FBXO15: variants seen among roughly 807,000 people sequenced by gnomAD.
The protein encoded by FBXO15 is F-box protein 15, also known as F-box only protein 15.
Under a neutral mutation model 49.5 loss-of-function variants are expected in FBXO15, and 30 were observed. The ratio of observed to expected loss-of-function variants is 0.61; its 90% CI spans 0.45 to 0.82. The LOEUF is 0.82. FBXO15 is among the 40% of genes least tolerant of loss of function. The pLI is 0.00. For missense variants in FBXO15, 591 were observed against 631.5 expected (o/e 0.94, Z 0.69); for synonymous variants, 250 against 232.7 (o/e 1.07, Z -0.68).
intron 8 of FBXO15, among the ~76,000 whole-genome samples, chr18:74,082,554 A>G (rs527789515): frequency 4.6e-5 from 7 of 152,356 alleles, no homozygotes; most frequent in African/African-American, 1.7e-4. Flanking sequence ...GTCCGTGCAC[A>G]TGCCCACCTA....
At chr18:74,101,447 G>A (rs1322673146) in intron 8 of FBXO15, among the ~76,000 whole-genome samples, 1 of 151,966 alleles carries the variant, frequency 6.6e-6, no homozygotes, top group East Asian at 1.9e-4. Context: ...ACAAAACACT[G>A]CTGAAAGAAA....
intron 6 of FBXO15, 100 bp downstream of exon 6, chr18:74,125,875 A>G: frequency 6.7e-7 from 1 of 1,495,130 alleles, no homozygotes. Context: ...AGTTAGTGAA[A>G]AGCTTAAAGG....
chr18:74,119,545 G>A (rs1460807372), intron 8 of FBXO15, among the ~76,000 whole-genome samples: 1 of 152,166 alleles, frequency 6.6e-6, no homozygotes, highest in Non-Finnish European at 1.5e-5. Context: ...GGGCTTCTAG[G>A]TGTAGCAAAG....
chr18:74,086,073 C>T (rs1912723265), intron 8 of FBXO15, among the ~76,000 whole-genome samples: 1 of 152,070 alleles, frequency 6.6e-6, no homozygotes, highest in African/African-American at 2.4e-5. Flanking sequence ...GTAATTACCA[C>T]TCAGAAAGGA....
At chr18:74,090,322 TAGCA>T (rs370469850) in intron 8 of FBXO15, among the ~76,000 whole-genome samples, 2 of 152,142 alleles carry the variant, frequency 1.3e-5, no homozygotes, top group African/African-American at 2.4e-5. Flanking sequence ...TAACTCTAGC[TAGCA>T]GTCTGTCTTA....
At position 74,130,417 on chromosome 18, in the gene FBXO15, T is replaced by A. The variant is rs759181105; in HGVS notation, c.574A>T (p.Arg192Ter). 4.3e-6 allele frequency: 7 copies of A among 1,613,986 alleles called. No homozygotes were observed. Among genetic ancestry groups the A allele is most frequent in the Non-Finnish European group, 5.9e-6 (7 of 1,179,970 alleles). ...GLPVKTKEALRIFGLGWAIIL... is the reference protein window; with the variant it reads ...GLPVKTKEAL Reference sequence around the variant, plus strand: ...TCTCTTTTGGAACACACTGCGTACCTGAGGGCCTCTTTGGTCTTAACTGGA... The same window carrying A: ...TCTCTTTTGGAACACACTGCGTACCAGAGGGCCTCTTTGGTCTTAACTGGA... Residue 192 changes from arginine (R) to a stop codon, truncating the protein, a stop_gained and splice_region_variant, in exon 4 of 10, where the codon AGA becomes TGA. Coordinates refer to ENST00000419743, the MANE Select transcript of FBXO15 (RefSeq NM_001142958.2). LOFTEE classifies it high-confidence loss of function.
At chr18:74,129,819 T>C (rs1355913032) in intron 4 of FBXO15, among the ~76,000 whole-genome samples, 6 of 152,218 alleles carry the variant, frequency 3.9e-5, no homozygotes, top group Admixed American at 3.3e-4. Context: ...TGAACATCCA[T>C]GATTTTCCAG....
chr18:74,082,658 C>T (rs1291607903), intron 8 of FBXO15, among the ~76,000 whole-genome samples: 1 of 152,222 alleles, frequency 6.6e-6, no homozygotes, highest in African/African-American at 2.4e-5. Context: ...ACACAGCACA[C>T]TAGCCCTGCT....
chr18:74,112,805 C>T (rs1046638267), intron 8 of FBXO15, among the ~76,000 whole-genome samples: 32 of 152,194 alleles, frequency 2.1e-4, no homozygotes, highest in Non-Finnish European at 3.2e-4. Flanking sequence ...ACTGACAACA[C>T]CAAATGCTGG....
chr18:74,123,877 C>A (rs1914581033), intron 7 of FBXO15, among the ~76,000 whole-genome samples: 1 of 152,076 alleles, frequency 6.6e-6, no homozygotes, highest in African/African-American at 2.4e-5. Flanking sequence ...GAATACCGAT[C>A]TGCAGGACAA....
chr18:74,125,634 G>A (rs1489672985), intron 6 of FBXO15, among the ~76,000 whole-genome samples: 1 of 152,218 alleles, frequency 6.6e-6, no homozygotes, highest in Non-Finnish European at 1.5e-5. Context: ...ATGAAAGGAA[G>A]AGAAGAAGGA....
rs780952782 is a variant in FBXO15, at chr18:74,147,735, CT to C, written c.50del (p.Gln17ArgfsTer37). On this transcript the variant is annotated frameshift_variant, in exon 1 of 10. Transcript: ENST00000419743. LOFTEE classifies it high-confidence loss of function. ...RILQQHWLGLQTLRGPSRGGG... is the reference protein window; with the variant it reads ...RILQQHWLGLXTLRGPSRGGG... ...CGCCCCTGCTGGGCCCGCGCAGCGT[CT>C]GGAGGCCGAGCCAGTGCTGCTGCAA... 6.5e-7 allele frequency: 1 copy of C among 1,536,988 alleles called. No individual in the cohort carries two copies. Among genetic ancestry groups the C allele is most frequent in the African/African-American group, 1.4e-5 (1 of 72,104 alleles).
At chr18:74,114,510 A>G (rs1448277999) in intron 8 of FBXO15, among the ~76,000 whole-genome samples, 2 of 152,216 alleles carry the variant, frequency 1.3e-5, no homozygotes, top group African/African-American at 4.8e-5. Flanking sequence ...TTACATTTCC[A>G]AAAGAATAGA....
chr18:74,102,416 T>A (rs1020453182), intron 8 of FBXO15, among the ~76,000 whole-genome samples: 6 of 152,014 alleles, frequency 3.9e-5, no homozygotes, highest in Non-Finnish European at 8.8e-5. Context: ...AATACCTTAC[T>A]CCTGCAAGAA....
At chr18:74,103,867 AT>A (rs1313926022) in intron 8 of FBXO15, among the ~76,000 whole-genome samples, 1 of 152,218 alleles carries the variant, frequency 6.6e-6, no homozygotes, top group Non-Finnish European at 1.5e-5. Context: ...CTTATAAGAA[AT>A]GCTAAAAGGA....
At chr18:74,086,028 A>G (rs934863803) in intron 8 of FBXO15, among the ~76,000 whole-genome samples, 3 of 152,218 alleles carry the variant, frequency 2.0e-5, no homozygotes, top group Non-Finnish European at 4.4e-5. Flanking sequence ...ACTAATAAAT[A>G]TGCTATAATG....
chr18:74,081,700 C>A (rs1312956007), intron 9 of FBXO15, among the ~76,000 whole-genome samples: 1 of 152,144 alleles, frequency 6.6e-6, no homozygotes, highest in African/African-American at 2.4e-5. Context: ...CCAACTCCAC[C>A]ATACTCAGTG....
chr18:74,126,655 C>T (rs952304799), intron 5 of FBXO15, among the ~76,000 whole-genome samples: 1 of 152,208 alleles, frequency 6.6e-6, no homozygotes, highest in African/African-American at 2.4e-5. Context: ...AAAGGAGACA[C>T]TAACACAGCA....
chr18:74,126,117 C>CA lies in FBXO15; in HGVS notation c.786-17dup. 1 of 1,612,584 alleles carries CA rather than the reference C, an allele frequency of 6.2e-7. No individual in the cohort carries two copies. The highest frequency in any genetic ancestry group is 1.1e-5 in the South Asian group (1 of 90,838). On this transcript the variant is annotated splice_polypyrimidine_tract_variant and intron_variant, in intron 5 of 9. Transcript: ENST00000419743. The stretch of plus-strand genomic sequence containing the variant: ...CCATCGGAGTCTTTGAACGTTATGC[C>CA]AAGGAAAGGAGAGAGAGAAGTGAGC...
Sources: allele counts gnomAD v4.1 joint callset (sites outside exome capture counted in the v4.1 genomes callset), GRCh38; gene constraint gnomAD v4.1.1; transcripts MANE v1.5; gene names NCBI Gene and HGNC (gene_info 2026-07-23, HGNC 2026-07-21).